The following PIK3C2A variants were observed in gnomAD, a reference collection of about 807,000 sequenced individuals.
PIK3C2A encodes phosphatidylinositol-4-phosphate 3-kinase catalytic subunit type 2 alpha.
PIK3C2A carries 97 observed loss-of-function variants against 204.5 expected under a neutral mutation model. The observed-to-expected ratio is 0.47, with a 90% CI of 0.40 to 0.56. PIK3C2A has a LOEUF of 0.56. Ranked by LOEUF, PIK3C2A falls within the 20% of genes least tolerant of loss-of-function variation. The pLI, the probability that PIK3C2A is intolerant of heterozygous loss-of-function variation, is 0.00. For synonymous variants in PIK3C2A, 653 were observed against 664.4 expected (o/e 0.98, Z 0.26); for missense variants, 1,735 against 1,969.2 (o/e 0.88, Z 2.25).
At chr11:17,116,130 AT>A (rs1469702071) in intron 19 of PIK3C2A, among the ~76,000 whole-genome samples, 1 of 152,216 alleles carries the variant, frequency 6.6e-6, no homozygotes, top group Non-Finnish European at 1.5e-5. Context: ...AATGAAAAAA[AT>A]ATTTGCAAAT....
rs559998169 is a variant in PIK3C2A at position 17,140,619 on chromosome 11, G to A, written c.1705-3994C>T. ...AGAAAAGGCAAAGCTATAGAAATAG[G>A]AACCAGATTAGTAGTTGTCTGGGGC... On this transcript the variant is annotated intron_variant, in intron 8 of 32. Transcript: ENST00000691414. Among the ~76,000 whole-genome samples, 3 of 152,276 alleles carry A rather than the reference G, an allele frequency of 2.0e-5. No homozygotes were observed. In the South Asian group the frequency reaches 6.2e-4, roughly 32 times the overall value.
intron 19 of PIK3C2A, among the ~76,000 whole-genome samples, chr11:17,115,183 A>G (rs1383749272): frequency 1.3e-5 from 2 of 152,088 alleles, no homozygotes; most frequent in East Asian, 1.9e-4. Context: ...GAAAAAGAAC[A>G]AAGTAGGAGG....
At chr11:17,132,519 C>T (rs1234361773) in intron 11 of PIK3C2A, among the ~76,000 whole-genome samples, 2 of 150,668 alleles carry the variant, frequency 1.3e-5, no homozygotes, top group Admixed American at 6.6e-5. Context: ...TTAGTAGAGA[C>T]GGGGTTTCAC....
Position 17,156,334 on chromosome 11 carries a change from G to C in PIK3C2A, c.1066-705C>G, listed in dbSNP as rs11024173. ...TCAAAATTCAGTGAGAACAAAGTGC[G>C]TATATTTCAAGAGCTATAACAGATT... On this transcript the variant is annotated intron_variant, in intron 2 of 32. Transcript: ENST00000691414. 1.2e-4 allele frequency among the ~76,000 whole-genome samples: 19 copies of C among 152,244 alleles called. No individual in the cohort carries two copies. The East Asian group carries it at 3.7e-3, about 29-fold the overall frequency.
intron 5 of PIK3C2A, 74 bp from the exon 6 acceptor site, chr11:17,147,702 G>C (rs939373250): frequency 1.4e-6 from 1 of 728,500 alleles, no homozygotes. Flanking sequence ...AATTTAAATT[G>C]CACCTGCATC....
intron 28 of PIK3C2A, among the ~76,000 whole-genome samples, chr11:17,093,583 AGAG>A: frequency 6.7e-6 from 1 of 150,130 alleles, no homozygotes; most frequent in East Asian, 2.0e-4. Context: ...TTTTTTTAGC[AGAG>A]GAGCTCAGTA....
chr11:17,092,544 T>C (rs1357278930), intron 28 of PIK3C2A, among the ~76,000 whole-genome samples: 3 of 152,088 alleles, frequency 2.0e-5, no homozygotes, highest in African/African-American at 7.2e-5. Context: ...TATAATCAGA[T>C]ACCTATAATC....
chr11:17,143,436 A>C (rs1850128409), intron 8 of PIK3C2A, among the ~76,000 whole-genome samples: 1 of 152,104 alleles, frequency 6.6e-6, no homozygotes, highest in Non-Finnish European at 1.5e-5. Flanking sequence ...TTCAGATCAC[A>C]GGACTAAACA....
chr11:17,167,032 A>G (rs1850980812), intron 2 of PIK3C2A, among the ~76,000 whole-genome samples: 1 of 151,960 alleles, frequency 6.6e-6, no homozygotes, highest in Non-Finnish European at 1.5e-5. Flanking sequence ...GTACAGTGGT[A>G]CAATCATGGG....
At chr11:17,090,912 TTC>T (rs1204345505) in intron 32 of PIK3C2A, among the ~76,000 whole-genome samples, 7 of 151,758 alleles carry the variant, frequency 4.6e-5, no homozygotes, top group African/African-American at 1.7e-4. Context: ...GCTAATTTTT[TTC>T]TTTTTTTTTT....
At chr11:17,106,566 A>C (rs1848827106) in intron 22 of PIK3C2A, among the ~76,000 whole-genome samples, 1 of 152,178 alleles carries the variant, frequency 6.6e-6, no homozygotes, top group Non-Finnish European at 1.5e-5. Flanking sequence ...ACTAGCTGAG[A>C]TCACAGATGC....
rs186452492 is a variant in PIK3C2A, at chr11:17,183,852, A to G, written c.-65-14046T>C. Among the ~76,000 whole-genome samples, 309 of 149,086 alleles carry G rather than the reference A, an allele frequency of 2.1e-3. 1 individual carries two copies. Among genetic ancestry groups the G allele is most frequent in the Non-Finnish European group, 1.4e-3 (91 of 67,372 alleles). On this transcript the variant is annotated intron_variant, in intron 1 of 32. Coordinates refer to ENST00000691414, the MANE Select transcript of PIK3C2A (RefSeq NM_002645.4). ...AGTGGCTCACACCTGTAGTCCCAGC[A>G]CCCTCCCTTTGGGAGGTCGAGGAGT...
At chr11:17,200,760 A>G (rs886933811) in intron 1 of PIK3C2A, among the ~76,000 whole-genome samples, 2 of 152,222 alleles carry the variant, frequency 1.3e-5, no homozygotes, top group South Asian at 4.1e-4. Flanking sequence ...CTTTACACCT[A>G]AAACAGATGA....
At position 17,175,319 on chromosome 11, in the gene PIK3C2A, G is replaced by T. The variant is rs560342345; in HGVS notation, c.-65-5513C>A. On this transcript the variant is annotated intron_variant, in intron 1 of 32. Coordinates refer to ENST00000691414, the MANE Select transcript of PIK3C2A (RefSeq NM_002645.4). The stretch of plus-strand genomic sequence containing the variant: ...TCTAAGTAGTAAAAGTGAGCTGATT[G>T]CTACCAGCTAAGTTACCATATTTAA... Among the ~76,000 whole-genome samples the T allele has an allele frequency of 1.1e-4, 17 of 152,256 alleles. No homozygotes were observed. The South Asian group carries it at 3.5e-3, about 32-fold the overall frequency.
At chr11:17,163,430 T>C (rs1203612816) in intron 2 of PIK3C2A, among the ~76,000 whole-genome samples, 1 of 152,246 alleles carries the variant, frequency 6.6e-6, no homozygotes, top group Non-Finnish European at 1.5e-5. Flanking sequence ...ACACAGGGTC[T>C]CATTCTGTAG....
Position 17,147,516 on chromosome 11 carries a change from C to G in PIK3C2A, c.1560+1G>C. On this transcript the variant is annotated splice_donor_variant, in intron 6 of 32. Coordinates refer to ENST00000691414, the MANE Select transcript of PIK3C2A (RefSeq NM_002645.4). LOFTEE classifies it high-confidence loss of function. ...AATTCAGTTATGAGGTACACACTTA[C>G]TGTTCGGGCCAGATTTTGACACATT... is the stretch of plus-strand genomic sequence containing the variant. The G allele has an allele frequency of 1.3e-6, 2 of 1,536,198 alleles. No homozygotes were observed. The highest frequency in any genetic ancestry group is 1.8e-6 in the Non-Finnish European group (2 of 1,109,502).
intron 1 of PIK3C2A, among the ~76,000 whole-genome samples, chr11:17,193,759 T>A (rs1043075074): frequency 6.7e-6 from 1 of 150,176 alleles, no homozygotes. Flanking sequence ...GGCAGGAGAA[T>A]TGCTTGAAAT....
At chr11:17,114,566 C>A in intron 19 of PIK3C2A, 101 bp from the exon 20 acceptor site, 1 of 599,250 alleles carries the variant, frequency 1.7e-6, no homozygotes, top group Admixed American at 2.6e-5. Context: ...GCCCAGTTGT[C>A]AAACGGTGAA....
chr11:17,094,997 C>T (rs1272146950), intron 27 of PIK3C2A, among the ~76,000 whole-genome samples: 2 of 152,112 alleles, frequency 1.3e-5, no homozygotes, highest in Non-Finnish European at 2.9e-5. Context: ...GCCTATAATC[C>T]TAGCACTTTG....
Sources: allele counts gnomAD v4.1 joint callset (sites outside exome capture counted in the v4.1 genomes callset), GRCh38; gene constraint gnomAD v4.1.1; transcripts MANE v1.5; gene names NCBI Gene and HGNC (gene_info 2026-07-23, HGNC 2026-07-21).